Variants in PCSK5 observed in about 807,000 individuals in gnomAD.
PCSK5 encodes prohormone convertase 5.
Under a neutral mutation model 233.2 loss-of-function variants are expected in PCSK5, and 129 were observed. The ratio of observed to expected loss-of-function variants is 0.55; its 90% CI spans 0.48 to 0.64. The LOEUF is 0.64. Among genes scored for constraint, PCSK5 ranks in the 30% least tolerant of loss-of-function variants. PCSK5 has a pLI of 0.00. For missense variants in PCSK5, 2,076 were observed against 2,430.1 expected, an observed-to-expected ratio of 0.85 and a Z score of 3.06; for synonymous variants, 825 against 879.2, an observed-to-expected ratio of 0.94 and a Z score of 1.09.
rs34379742 is a variant in PCSK5 at position 76,001,468 on chromosome 9, C to CTTTTTT, written c.411+15239_411+15244dup. Among the ~76,000 whole-genome samples the CTTTTTT allele has an allele frequency of 2.6e-4, 23 of 87,146 alleles. 1 individual carries two copies. The highest frequency in any genetic ancestry group is 7.6e-4 in the East Asian group (2 of 2,640). 57.2% of individuals were successfully genotyped at this position (87,146 alleles called of 152,430 possible). A position where few individuals can be genotyped will look rare whatever the true frequency, so the allele number is the denominator to read the frequency against. ...TTTCAAGTCTGCTCTACCATCATAGCTTTTTTTTTTTTTTTTTTTTTGCCA... is the reference window on the plus strand; with the variant it reads ...TTTCAAGTCTGCTCTACCATCATAGCTTTTTTTTTTTTTTTTTTTTTTTTTTTGCCA... On this transcript the variant is annotated intron_variant, in intron 3 of 37. Coordinates refer to ENST00000674117, the MANE Select transcript of PCSK5 (RefSeq NM_001372043.1).
intron 1 of PCSK5, among the ~76,000 whole-genome samples, chr9:75,904,805 C>A (rs1185874968): frequency 6.6e-6 from 1 of 152,078 alleles, no homozygotes; most frequent in Admixed American, 6.6e-5. Context: ...AAATGTATAC[C>A]CAACAGAAAT....
At chr9:76,077,032 T>C (rs190069547) in intron 7 of PCSK5, among the ~76,000 whole-genome samples, 2 of 152,332 alleles carry the variant, frequency 1.3e-5, no homozygotes, top group Non-Finnish European at 2.9e-5. Context: ...GGTACTGTTT[T>C]TCCCAATTTA....
Position 76,067,958 on chromosome 9 carries a change from T to C in PCSK5, c.636T>C (p.His212=), listed in dbSNP as rs1160905248. 3.1e-6 allele frequency: 5 copies of C among 1,613,148 alleles called. No homozygotes were observed. Among genetic ancestry groups the C allele is most frequent in the South Asian group, 1.1e-5 (1 of 91,026 alleles). Residue 212 remains histidine, a synonymous_variant, in exon 6 of 38, where the codon CAT becomes CAC. Transcript: ENST00000674117. ...AGTGTGTGTGTTCTGCCTGCAGGCATGGGACTCGCTGTGCTGGAGAAGTGG... is the reference window on the plus strand; with the variant it reads ...AGTGTGTGTGTTCTGCCTGCAGGCACGGGACTCGCTGTGCTGGAGAAGTGG... The part of the protein sequence containing the change: ...PRYDASNENK[H]GTRCAGEVAA...
At chr9:76,049,428 T>C (rs1435764242) in intron 5 of PCSK5, among the ~76,000 whole-genome samples, 1 of 152,204 alleles carries the variant, frequency 6.6e-6, no homozygotes, top group Admixed American at 6.5e-5. Context: ...TGATGAACTC[T>C]GCAAAAGGAA....
intron 20 of PCSK5, chr9:76,193,291 A>G (rs1824503859): frequency 6.2e-7 from 1 of 1,612,910 alleles, no homozygotes; most frequent in Admixed American, 1.7e-5. Flanking sequence ...AAAAAGAACA[A>G]TCTGTGCCAA....
rs59466685 is a variant in PCSK5 at position 76,328,975 on chromosome 9, AT to A, written c.4570+751del. Among the ~76,000 whole-genome samples, 698 of 123,610 alleles carry A rather than the reference AT, an allele frequency of 5.6e-3. 7 individuals are homozygous for A. The highest frequency in any genetic ancestry group is 0.016 in the African/African-American group (500 of 31,064). The allele number at this position is 123,610 out of a possible 152,430, so 81.1% of individuals were successfully genotyped here. A position where few individuals can be genotyped will look rare whatever the true frequency, so the allele number is the denominator to read the frequency against. On this transcript the variant is annotated intron_variant, in intron 33 of 37. Coordinates refer to ENST00000674117, the MANE Select transcript of PCSK5 (RefSeq NM_001372043.1). ...AGGTGGGCACCATCGCTCCCGGCTAATTTTTTTTTTTTTTTGTATTTTTGGT... is the reference window on the plus strand; with the variant it reads ...AGGTGGGCACCATCGCTCCCGGCTAATTTTTTTTTTTTTTGTATTTTTGGT...
intron 2 of PCSK5, among the ~76,000 whole-genome samples, chr9:75,945,681 T>C (rs1042328905): frequency 3.3e-5 from 5 of 152,328 alleles, no homozygotes; most frequent in Admixed American, 2.6e-4. Context: ...CATTATGATC[T>C]AGCCTCTTTC....
chr9:76,112,221 G>C (rs567410052), intron 9 of PCSK5, among the ~76,000 whole-genome samples: 2 of 152,230 alleles, frequency 1.3e-5, no homozygotes, highest in South Asian at 4.1e-4. Context: ...GGTAAATAAA[G>C]GGGACTGAGT....
At chr9:76,233,791 G>A (rs935194544) in intron 22 of PCSK5, among the ~76,000 whole-genome samples, 195 bp downstream of exon 22, 5 of 152,028 alleles carry the variant, frequency 3.3e-5, no homozygotes, top group African/African-American at 1.2e-4. Context: ...CCTTATTCGG[G>A]TGTAGACTCG....
intron 3 of PCSK5, among the ~76,000 whole-genome samples, chr9:76,000,453 A>C (rs544723605): frequency 6.6e-6 from 1 of 152,262 alleles, no homozygotes; most frequent in South Asian, 2.1e-4. Context: ...GATCCTTATA[A>C]GTGTTCATTG....
chr9:75,969,651 G>A (rs1825735602), intron 2 of PCSK5, among the ~76,000 whole-genome samples: 1 of 152,150 alleles, frequency 6.6e-6, no homozygotes, highest in African/African-American at 2.4e-5. Flanking sequence ...CAAGCTTGTT[G>A]GTGGGTGTAG....
Position 75,911,111 on chromosome 9 carries a change from G to T in PCSK5, c.192+19738G>T, listed in dbSNP as rs951902061. On this transcript the variant is annotated intron_variant, in intron 1 of 37. Transcript: ENST00000674117. ...TGTGTAATGTGAAAAATATTCTAAA[G>T]GTCACCTGGTTGTAAAGTCTTAGGC... 3.5e-4 allele frequency among the ~76,000 whole-genome samples: 53 copies of T among 150,176 alleles called. 2 individuals carry two copies. Among genetic ancestry groups the T allele is most frequent in the Non-Finnish European group, 1.3e-4 (9 of 67,766 alleles).
intron 1 of PCSK5, among the ~76,000 whole-genome samples, chr9:75,918,581 A>G (rs891576268): frequency 6.6e-6 from 1 of 152,222 alleles, no homozygotes; most frequent in African/African-American, 2.4e-5. Flanking sequence ...TCTTTGTTTC[A>G]AAATTACCAG....
intron 1 of PCSK5, among the ~76,000 whole-genome samples, chr9:75,903,266 A>G (rs1011595454): frequency 1.3e-5 from 2 of 152,052 alleles, no homozygotes; most frequent in Non-Finnish European, 2.9e-5. Context: ...CACATATAAC[A>G]TTTTTAGATT....
At chr9:75,956,720 G>A (rs757684666) in intron 2 of PCSK5, among the ~76,000 whole-genome samples, 4 of 151,934 alleles carry the variant, frequency 2.6e-5, no homozygotes, top group Admixed American at 6.6e-5. Context: ...AAGAGGAAAT[G>A]TCTTGGAACT....
chr9:76,167,494 T>C (rs1166583071), intron 12 of PCSK5, among the ~76,000 whole-genome samples: 1 of 152,214 alleles, frequency 6.6e-6, no homozygotes, highest in Non-Finnish European at 1.5e-5. Flanking sequence ...ATATAGCAGG[T>C]GATTTTCCTG....
chr9:76,097,910 T>G (rs1049687270), intron 8 of PCSK5, among the ~76,000 whole-genome samples: 2 of 152,182 alleles, frequency 1.3e-5, no homozygotes, highest in Admixed American at 6.5e-5. Context: ...CTTTTCAAGG[T>G]AGAGCTAAGC....
intron 24 of PCSK5, among the ~76,000 whole-genome samples, chr9:76,262,979 A>T (rs1827226462): frequency 1.3e-5 from 2 of 152,146 alleles, no homozygotes; most frequent in Admixed American, 1.3e-4. Context: ...ACATGAACAG[A>T]CACTTCTCAA....
At chr9:76,354,973 C>A (rs997487459) in intron 37 of PCSK5, among the ~76,000 whole-genome samples, 5 of 152,150 alleles carry the variant, frequency 3.3e-5, no homozygotes, top group African/African-American at 1.2e-4. Flanking sequence ...GTTGAAGAAT[C>A]ATTCTATGAA....
Sources: allele counts gnomAD v4.1 joint callset (sites outside exome capture counted in the v4.1 genomes callset), GRCh38; gene constraint gnomAD v4.1.1; transcripts MANE v1.5; gene names NCBI Gene and HGNC (gene_info 2026-07-23, HGNC 2026-07-21).